Variants in BRINP3 observed in about 807,000 individuals in gnomAD.
BRINP3 encodes the protein BMP/retinoic acid-inducible neural-specific protein 3.
In BRINP3, 19 loss-of-function variants were observed where a neutral mutation model predicts 71.0. The ratio of observed to expected loss-of-function variants is 0.27; its 90% CI spans 0.19 to 0.39. The LOEUF is 0.39. Among genes scored for constraint, BRINP3 ranks in the 10% least tolerant of loss-of-function variants. BRINP3 has a pLI of 1.00. For missense variants in BRINP3, 959 were observed against 940.8 expected (o/e 1.02, Z -0.25); for synonymous variants, 380 against 337.7 (o/e 1.13, Z -1.37).
chr1:190,128,477 T>A (rs960752740), intron 7 of BRINP3, among the ~76,000 whole-genome samples: 1 of 151,820 alleles, frequency 6.6e-6, no homozygotes, highest in Non-Finnish European at 1.5e-5. Flanking sequence ...TATGTCTACA[T>A]CAAATGGACA....
intron 7 of BRINP3, among the ~76,000 whole-genome samples, chr1:190,158,101 C>A (rs116444292): frequency 0.019 from 2,949 of 152,138 alleles, 66 homozygotes; most frequent in Middle Eastern, 0.065. Flanking sequence ...CTTGAATTAC[C>A]ACATGTTGTG....
chr1:190,165,688 CAA>C (rs36073895), intron 6 of BRINP3, among the ~76,000 whole-genome samples: 61,557 of 146,044 alleles, frequency 0.42, 13,146 homozygotes, highest in African/African-American at 0.55. Flanking sequence ...TTTTCAGTGG[CAA>C]AAAAAAAAAA....
intron 2 of BRINP3, among the ~76,000 whole-genome samples, chr1:190,412,611 C>T (rs1325647973): frequency 1.3e-5 from 2 of 149,534 alleles, no homozygotes; most frequent in African/African-American, 2.4e-5. Context: ...TACAGGTGCC[C>T]GCCACTACGC....
rs111318142 is a variant in BRINP3, at chr1:190,476,249, A to AT, written c.-51+1198dup. Among the ~76,000 whole-genome samples the AT allele has an allele frequency of 1.1e-3, 35 of 32,672 alleles. No individual in the cohort carries two copies. In the East Asian group the frequency reaches 0.045, roughly 42 times the overall value. 21.4% of individuals were successfully genotyped at this position (32,672 alleles called of 152,430 possible). On this transcript the variant is annotated intron_variant, in intron 1 of 7. Coordinates refer to ENST00000367462, the MANE Select transcript of BRINP3 (RefSeq NM_199051.3). ...CGACAAGAATAGTTATTTCCCAGAAATTAAAAAAAAAAAAAAGGAAAAGAA... is the reference window on the plus strand; with the variant it reads ...CGACAAGAATAGTTATTTCCCAGAAATTTAAAAAAAAAAAAAAGGAAAAGAA...
intron 6 of BRINP3, among the ~76,000 whole-genome samples, chr1:190,218,380 T>C (rs1253968741): frequency 6.6e-6 from 1 of 152,162 alleles, no homozygotes; most frequent in Non-Finnish European, 1.5e-5. Flanking sequence ...CTTCAAGCTT[T>C]ATACAATTCC....
chr1:190,401,477 GTT>G (rs1008864818), intron 2 of BRINP3, among the ~76,000 whole-genome samples: 6 of 150,506 alleles, frequency 4.0e-5, no homozygotes, highest in African/African-American at 1.5e-4. Context: ...TGTTTAATAT[GTT>G]TTTTTGTTTA....
intron 2 of BRINP3, among the ~76,000 whole-genome samples, chr1:190,316,442 T>C (rs1665888472): frequency 1.3e-5 from 2 of 152,246 alleles, no homozygotes; most frequent in South Asian, 4.1e-4. Context: ...ACAAAATTAT[T>C]GGGTTTGAAC....
At chr1:190,367,899 C>G (rs538896426) in intron 2 of BRINP3, among the ~76,000 whole-genome samples, 52 of 152,220 alleles carry the variant, frequency 3.4e-4, no homozygotes, top group Admixed American at 1.2e-3. Flanking sequence ...CAAACTTTCC[C>G]ACATCTTCCT....
chr1:190,270,961 A>C (rs1171936590), intron 3 of BRINP3, among the ~76,000 whole-genome samples: 2 of 151,598 alleles, frequency 1.3e-5, no homozygotes, highest in Non-Finnish European at 3.0e-5. Context: ...TATTTTCTTC[A>C]ATTGAGTAAT....
chr1:190,345,829 T>C (rs1667987662), intron 2 of BRINP3, among the ~76,000 whole-genome samples: 1 of 151,854 alleles, frequency 6.6e-6, no homozygotes, highest in Non-Finnish European at 1.5e-5. Context: ...TGTTCTTTCT[T>C]TAGAACATTC....
intron 2 of BRINP3, among the ~76,000 whole-genome samples, chr1:190,423,812 T>G (rs1673532214): frequency 6.6e-6 from 1 of 151,776 alleles, no homozygotes; most frequent in African/African-American, 2.4e-5. Context: ...AGGATTTTAT[T>G]TTTATCATTA....
At chr1:190,171,961 A>G (rs1433272243) in intron 6 of BRINP3, among the ~76,000 whole-genome samples, 1 of 150,286 alleles carries the variant, frequency 6.7e-6, no homozygotes, top group Admixed American at 6.7e-5. Context: ...TTTTTTTTTA[A>G]TTAGCCAGTT....
At chr1:190,394,850 G>C (rs547253263) in intron 2 of BRINP3, among the ~76,000 whole-genome samples, 3 of 151,530 alleles carry the variant, frequency 2.0e-5, no homozygotes, top group Non-Finnish European at 4.4e-5. Context: ...AGTACACAGT[G>C]CCTACCGGAA....
chr1:190,285,948 G>C (rs190769968), intron 2 of BRINP3, among the ~76,000 whole-genome samples: 1 of 152,178 alleles, frequency 6.6e-6, no homozygotes, highest in African/African-American at 2.4e-5. Flanking sequence ...ACTAAGTGTT[G>C]TATTCTACTT....
intron 2 of BRINP3, among the ~76,000 whole-genome samples, chr1:190,308,559 G>T (rs910901132): frequency 6.6e-6 from 1 of 151,668 alleles, no homozygotes; most frequent in Non-Finnish European, 1.5e-5. Context: ...GAGTTAATGG[G>T]TGCAGCACAC....
intron 7 of BRINP3, among the ~76,000 whole-genome samples, chr1:190,100,376 T>A (rs1285734461): frequency 6.6e-6 from 1 of 152,202 alleles, no homozygotes; most frequent in African/African-American, 2.4e-5. Context: ...TACTTATTTA[T>A]ATTGTTTTTC....
chr1:190,224,707 G>A (rs1657183399), intron 6 of BRINP3, among the ~76,000 whole-genome samples: 2 of 151,956 alleles, frequency 1.3e-5, no homozygotes, highest in South Asian at 4.1e-4. Context: ...CACAGAATGG[G>A]AGAAAATATT....
intron 6 of BRINP3, among the ~76,000 whole-genome samples, chr1:190,181,250 G>A (rs1199241089): frequency 6.6e-6 from 1 of 151,898 alleles, no homozygotes; most frequent in African/African-American, 2.4e-5. Flanking sequence ...CATTCAAAAT[G>A]TTCATTCTTG....
rs1676099931 is a variant in BRINP3 at position 190,457,750 on chromosome 1, G to GTAA, written c.-50-2813_-50-2811dup. Among the ~76,000 whole-genome samples, 16 of 152,100 alleles carry GTAA rather than the reference G, an allele frequency of 1.1e-4. No individual in the cohort carries two copies. The South Asian group carries it at 3.3e-3, about 32-fold the overall frequency. The stretch of plus-strand genomic sequence containing the variant: ...TTTTGTACTCACACATGTGATTTTT[G>GTAA]TAATACACAAAGTGTTTTAAAAGTA... On this transcript the variant is annotated intron_variant, in intron 1 of 7. Transcript: ENST00000367462.
Sources: gnomAD v4.1 joint callset for allele counts (sites outside exome capture counted in the v4.1 genomes callset) on GRCh38, gnomAD v4.1.1 for gene constraint, MANE v1.5 for transcripts, NCBI Gene and HGNC (gene_info 2026-07-23, HGNC 2026-07-21) for gene names.